The following NELL1 variants were observed in gnomAD, a reference collection of about 807,000 sequenced individuals.
NELL1 encodes protein kinase C-binding protein NELL1.
Under a neutral mutation model 107.4 loss-of-function variants are expected in NELL1, and 76 were observed. The observed-to-expected ratio is 0.71, with a 90% CI of 0.59 to 0.86. The LOEUF is 0.86. Among genes scored for constraint, NELL1 ranks in the 40% least tolerant of loss-of-function variants. NELL1 has a pLI of 0.00. For missense variants in NELL1, 1,024 were observed against 1,005.5 expected (o/e 1.02, Z -0.25); for synonymous variants, 353 against 341.2 (o/e 1.03, Z -0.38).
intron 12 of NELL1, among the ~76,000 whole-genome samples, chr11:21,022,877 C>T (rs997629992): frequency 2.0e-5 from 3 of 151,860 alleles, no homozygotes; most frequent in African/African-American, 7.3e-5. Flanking sequence ...TTACTAACTC[C>T]AAAAGAAAGG....
chr11:21,154,865 G>A (rs1373526129), intron 13 of NELL1, among the ~76,000 whole-genome samples: 3 of 152,028 alleles, frequency 2.0e-5, no homozygotes, highest in East Asian at 1.9e-4. Context: ...AAAGAAGGAC[G>A]TGATGAGCAT....
chr11:20,793,663 T>G (rs1857117302), intron 3 of NELL1, among the ~76,000 whole-genome samples: 2 of 152,166 alleles, frequency 1.3e-5, no homozygotes, highest in South Asian at 4.1e-4. Context: ...GATATTGCTA[T>G]ATAGTGTTTT....
intron 10 of NELL1, among the ~76,000 whole-genome samples, chr11:20,938,906 CTG>C (rs1491061599): frequency 8.6e-5 from 6 of 69,636 alleles, no homozygotes; most frequent in Non-Finnish European, 2.2e-4. Flanking sequence ...TCTTCTCTCT[CTG>C]TCTCTCTCTC....
At chr11:21,070,380 A>T (rs540467978) in intron 12 of NELL1, among the ~76,000 whole-genome samples, 1 of 152,268 alleles carries the variant, frequency 6.6e-6, no homozygotes, top group South Asian at 2.1e-4. Context: ...ATGAACTTTA[A>T]TCTAGAGTTT....
intron 12 of NELL1, among the ~76,000 whole-genome samples, chr11:21,047,323 C>T (rs1853380846): frequency 6.6e-6 from 1 of 151,998 alleles, no homozygotes; most frequent in East Asian, 1.9e-4. Context: ...TATGCATCCC[C>T]CCGTTTTTTT....
intron 16 of NELL1, among the ~76,000 whole-genome samples, chr11:21,549,906 G>T (rs1048056318): frequency 2.0e-5 from 3 of 150,968 alleles, no homozygotes; most frequent in Admixed American, 2.0e-4. Flanking sequence ...TGTTTTAGAG[G>T]GTGAATAAAA....
At chr11:21,096,860 G>A (rs116448576) in intron 12 of NELL1, among the ~76,000 whole-genome samples, 1,981 of 152,012 alleles carry the variant, frequency 0.013, 51 homozygotes, top group African/African-American at 0.046. Flanking sequence ...ACAGGTACAC[G>A]CCACCACACC....
intron 15 of NELL1, among the ~76,000 whole-genome samples, chr11:21,449,885 G>T (rs1055840772): frequency 1.6e-4 from 24 of 152,142 alleles, no homozygotes; most frequent in African/African-American, 5.8e-4. Flanking sequence ...TCTATTTCTG[G>T]ATTATTATTT....
intron 16 of NELL1, 48 bp from the exon 17 acceptor site, chr11:21,560,141 T>C (rs756526693): frequency 6.4e-7 from 1 of 1,565,144 alleles, no homozygotes; most frequent in East Asian, 2.2e-5. Context: ...GTTTGTTCTC[T>C]AAGTTCCCTT....
chr11:20,737,233 TCTC>T (rs772628909), intron 2 of NELL1, among the ~76,000 whole-genome samples: 2 of 152,044 alleles, frequency 1.3e-5, no homozygotes, highest in Non-Finnish European at 2.9e-5. Context: ...TTATTGTTAT[TCTC>T]CTTTAAAAAT....
chr11:20,874,965 C>T (rs1157830912), intron 4 of NELL1, among the ~76,000 whole-genome samples: 1 of 152,186 alleles, frequency 6.6e-6, no homozygotes, highest in Non-Finnish European at 1.5e-5. Flanking sequence ...TGATTTGTCT[C>T]ACAATGCCCT....
At chr11:20,872,670 A>AGG (rs1564944018) in intron 4 of NELL1, among the ~76,000 whole-genome samples, 1 of 54,874 alleles carries the variant, frequency 1.8e-5, no homozygotes, top group African/African-American at 4.4e-5. Context: ...CCAGTGTTTG[A>AGG]GGTGTGTGTG....
At chr11:21,016,485 C>G (rs1307986508) in intron 12 of NELL1, among the ~76,000 whole-genome samples, 1 of 152,126 alleles carries the variant, frequency 6.6e-6, no homozygotes, top group Non-Finnish European at 1.5e-5. Context: ...TTCTTACCCA[C>G]ACGTACCCTT....
chr11:21,377,503 T>G (rs992392557), intron 15 of NELL1, among the ~76,000 whole-genome samples: 4 of 152,068 alleles, frequency 2.6e-5, no homozygotes, highest in African/African-American at 9.7e-5. Context: ...GGCCTTTAGT[T>G]TTCTTTTATC....
chr11:20,999,422 G>T (rs989241543), intron 12 of NELL1, among the ~76,000 whole-genome samples: 2 of 152,118 alleles, frequency 1.3e-5, no homozygotes, highest in Admixed American at 6.5e-5. Flanking sequence ...CATTTTAAAT[G>T]GTGACAACCA....
chr11:21,142,003 A>G (rs2133772913), intron 13 of NELL1, among the ~76,000 whole-genome samples: 1 of 152,176 alleles, frequency 6.6e-6, no homozygotes, highest in South Asian at 2.1e-4. Context: ...ACCTCAGGTG[A>G]TCCATCTGCT....
intron 15 of NELL1, among the ~76,000 whole-genome samples, chr11:21,388,189 GAAA>G (rs1851790327): frequency 6.6e-6 from 1 of 151,508 alleles, no homozygotes; most frequent in African/African-American, 2.4e-5. Context: ...GAAAGTGTCA[GAAA>G]GATGACATTG....
chr11:21,550,926 T>C (rs1252169370), intron 16 of NELL1, among the ~76,000 whole-genome samples: 1 of 151,584 alleles, frequency 6.6e-6, no homozygotes, highest in African/African-American at 2.4e-5. Context: ...ATAAATTACC[T>C]TGGGCAGTAT....
At chr11:21,108,210 C>A (rs1855016540) in intron 12 of NELL1, among the ~76,000 whole-genome samples, 1 of 152,052 alleles carries the variant, frequency 6.6e-6, no homozygotes, top group Non-Finnish European at 1.5e-5. Context: ...CTGAGTAGAT[C>A]ATATCATTTT....
Sources: allele counts gnomAD v4.1 joint callset (sites outside exome capture counted in the v4.1 genomes callset), GRCh38; gene constraint gnomAD v4.1.1; transcripts MANE v1.5; gene names NCBI Gene and HGNC (gene_info 2026-07-23, HGNC 2026-07-21).